Variants in ARMC9 observed in about 807,000 individuals in gnomAD.
The protein encoded by ARMC9 is lisH domain-containing protein ARMC9.
Under a neutral mutation model 107.0 loss-of-function variants are expected in ARMC9, and 94 were observed. The ratio of observed to expected loss-of-function variants is 0.88; its 90% CI spans 0.74 to 1.04. The LOEUF is 1.04. Among genes scored for constraint, ARMC9 ranks in the 50% least tolerant of loss-of-function variants. The probability of loss-of-function intolerance (pLI) is 0.00; values close to 1 mark genes in which losing one functional copy is unlikely to be tolerated. For synonymous variants in ARMC9, 380 were observed against 396.9 expected (o/e 0.96, Z 0.51); for missense variants, 942 against 1,030.1 (o/e 0.91, Z 1.17).
At chr2:231,343,021 C>T (rs953666472) in intron 20 of ARMC9, among the ~76,000 whole-genome samples, 1 of 152,114 alleles carries the variant, frequency 6.6e-6, no homozygotes, top group South Asian at 2.1e-4. Context: ...TCAAGTGATT[C>T]TCCTGCCTCA....
intron 9 of ARMC9, among the ~76,000 whole-genome samples, chr2:231,247,533 G>T (rs754330550): frequency 6.6e-6 from 1 of 152,198 alleles, no homozygotes; most frequent in Non-Finnish European, 1.5e-5. Flanking sequence ...TTGGTGCAAT[G>T]CCCTGTGTAT....
intron 14 of ARMC9, 49 bp from the exon 15 acceptor site, chr2:231,276,587 T>C: frequency 1.2e-6 from 2 of 1,611,718 alleles, no homozygotes; most frequent in South Asian, 1.1e-5. Context: ...TCCTCTTATA[T>C]GAAAAGTTTC....
intron 20 of ARMC9, among the ~76,000 whole-genome samples, chr2:231,332,170 C>T (rs1223510692): frequency 6.6e-6 from 1 of 152,152 alleles, no homozygotes; most frequent in Non-Finnish European, 1.5e-5. Context: ...ATATGCCTGG[C>T]CCCAGTAGCA....
chr2:231,290,406 G>GA (rs1157057825), intron 17 of ARMC9, among the ~76,000 whole-genome samples: 1 of 152,188 alleles, frequency 6.6e-6, no homozygotes, highest in Non-Finnish European at 1.5e-5. Flanking sequence ...TCATGTAACT[G>GA]AAAAGTCCAG....
chr2:231,371,182 C>A, intron 24 of ARMC9: 2 of 567,556 alleles, frequency 3.5e-6, no homozygotes, highest in South Asian at 3.1e-5. Flanking sequence ...GTGACACCAG[C>A]AGCTGGTGGC....
chr2:231,371,280 C>A (rs2046010344), intron 24 of ARMC9, among the ~76,000 whole-genome samples: 1 of 152,220 alleles, frequency 6.6e-6, no homozygotes, highest in African/African-American at 2.4e-5. Flanking sequence ...GTGGGCTCAA[C>A]AAACACGTGA....
At chr2:231,277,841 G>A (rs2039896121) in intron 15 of ARMC9, among the ~76,000 whole-genome samples, 1 of 152,116 alleles carries the variant, frequency 6.6e-6, no homozygotes, top group South Asian at 2.1e-4. Context: ...GGGATTACAG[G>A]CGTAAAGCAC....
intron 2 of ARMC9, 111 bp from the exon 3 acceptor site, chr2:231,208,016 T>C (rs2032279199): frequency 1.7e-6 from 1 of 585,052 alleles, no homozygotes; most frequent in Admixed American, 3.3e-5. Flanking sequence ...ATGTATCTGT[T>C]GGTCTTTTTA....
chr2:231,324,890 A>G (rs2043225989), intron 19 of ARMC9, among the ~76,000 whole-genome samples: 2 of 152,116 alleles, frequency 1.3e-5, no homozygotes, highest in South Asian at 4.1e-4. Flanking sequence ...CCTGAGCAAC[A>G]TAGCAAAACC....
rs963742967 is a variant in ARMC9, at chr2:231,363,520, C to T, written c.2261+2637C>T. The stretch of plus-strand genomic sequence containing the variant: ...TTTCAGGTGTTTTAAGGATAATGGC[C>T]ACTCAAGCTCTGTGCCAGTGACTTC... On this transcript the variant is annotated intron_variant, in intron 23 of 24. Transcript: ENST00000611582. 1.3e-4 allele frequency among the ~76,000 whole-genome samples: 20 copies of T among 152,194 alleles called. No individual in the cohort carries two copies. In the East Asian group the frequency reaches 1.4e-3, roughly 10 times the overall value.
rs573431533 is a variant in ARMC9 at position 231,283,145 on chromosome 2, A to C, written c.1626+1012A>C. On this transcript the variant is annotated intron_variant, in intron 17 of 24. Coordinates refer to ENST00000611582, the MANE Select transcript of ARMC9 (RefSeq NM_001352754.2). Reference sequence around the variant, plus strand: ...GTTGTGAGAGCAGGACTGCCCTTAGAGATCCCAGAGCAGGGAGAAAAAAGA... The same window carrying C: ...GTTGTGAGAGCAGGACTGCCCTTAGCGATCCCAGAGCAGGGAGAAAAAAGA... Among the ~76,000 whole-genome samples, 76 of 152,272 alleles carry C rather than the reference A, an allele frequency of 5.0e-4. No homozygotes were observed. The South Asian group carries it at 0.015, about 31-fold the overall frequency.
chr2:231,340,121 C>A (rs2044406741), intron 20 of ARMC9, among the ~76,000 whole-genome samples: 1 of 152,094 alleles, frequency 6.6e-6, no homozygotes, highest in Non-Finnish European at 1.5e-5. Context: ...ACTGGCAGAA[C>A]CTAAATGCTT....
Position 231,276,627 on chromosome 2 carries a change from T to C in ARMC9, c.1335-9T>C, listed in dbSNP as rs1424451539. The C allele has an allele frequency of 1.9e-6, 3 of 1,614,046 alleles. No individual in the cohort carries two copies. In the African/African-American group the frequency reaches 4.0e-5, roughly 22 times the overall value. On this transcript the variant is annotated splice_polypyrimidine_tract_variant and intron_variant, in intron 14 of 24. Coordinates refer to ENST00000611582, the MANE Select transcript of ARMC9 (RefSeq NM_001352754.2). ...CAGTTTGTATTTACCGTAGGCTCTT[T>C]CTTCCCAGGCGCCCGCTGCAGACAG...
chr2:231,300,186 G>A (rs2041636837), intron 19 of ARMC9, among the ~76,000 whole-genome samples: 2 of 152,130 alleles, frequency 1.3e-5, no homozygotes, highest in Non-Finnish European at 2.9e-5. Context: ...AAATATTCTC[G>A]CCTCTTGACA....
chr2:231,347,718 T>G (rs2044872106), intron 21 of ARMC9, among the ~76,000 whole-genome samples: 1 of 152,182 alleles, frequency 6.6e-6, no homozygotes, highest in Admixed American at 6.5e-5. Context: ...CTATATCCCC[T>G]CCAGTCACCC....
intron 20 of ARMC9, among the ~76,000 whole-genome samples, chr2:231,342,103 C>T (rs984115328): frequency 3.3e-5 from 5 of 152,134 alleles, no homozygotes; most frequent in Non-Finnish European, 4.4e-5. Flanking sequence ...CTGAGGGGCC[C>T]GAGAGTAGGC....
intron 17 of ARMC9, chr2:231,288,726 A>G: frequency 2.1e-6 from 1 of 471,196 alleles, no homozygotes; most frequent in South Asian, 1.5e-5. Flanking sequence ...TGAAAGGTGA[A>G]ATCCTCTGCC....
intron 1 of ARMC9, among the ~76,000 whole-genome samples, chr2:231,202,852 A>G (rs974910948): frequency 6.6e-6 from 1 of 152,116 alleles, no homozygotes; most frequent in Admixed American, 6.6e-5. Context: ...AGTGGGCCTT[A>G]ATAAGGACAT....
chr2:231,302,858 G>T (rs2041838536), intron 19 of ARMC9, among the ~76,000 whole-genome samples: 1 of 152,072 alleles, frequency 6.6e-6, no homozygotes, highest in Non-Finnish European at 1.5e-5. Flanking sequence ...ACAAAAATTA[G>T]CTGGGCATCG....
Sources: gnomAD v4.1 joint callset for allele counts (sites outside exome capture counted in the v4.1 genomes callset) on GRCh38, gnomAD v4.1.1 for gene constraint, MANE v1.5 for transcripts, NCBI Gene and HGNC (gene_info 2026-07-23, HGNC 2026-07-21) for gene names.